The following IFT81 variants were observed in gnomAD, a reference collection of about 807,000 sequenced individuals.
The protein encoded by IFT81 is intraflagellar transport 81.
Under a neutral mutation model 102.6 loss-of-function variants are expected in IFT81, and 72 were observed. That is an observed-to-expected ratio of 0.70 (90% CI 0.58 to 0.85). IFT81 has a LOEUF of 0.85. Ranked by LOEUF, IFT81 falls within the 40% of genes least tolerant of loss-of-function variation. The probability of loss-of-function intolerance (pLI) is 0.00; values close to 1 mark genes in which losing one functional copy is unlikely to be tolerated. For synonymous variants in IFT81, 237 were observed against 242.7 expected, an observed-to-expected ratio of 0.98 and a Z score of 0.22; for missense variants, 723 against 787.3, an observed-to-expected ratio of 0.92 and a Z score of 0.98.
chr12:110,158,379 C>A (rs761608939), intron 10 of IFT81, among the ~76,000 whole-genome samples: 13 of 152,088 alleles, frequency 8.5e-5, no homozygotes, highest in Non-Finnish European at 1.8e-4. Flanking sequence ...CTGTGCCTGG[C>A]CTGTTTTCAA....
intron 11 of IFT81, among the ~76,000 whole-genome samples, chr12:110,164,890 T>C (rs1896350241): frequency 6.6e-6 from 1 of 152,220 alleles, no homozygotes; most frequent in Non-Finnish European, 1.5e-5. Flanking sequence ...CCTCCTAGCA[T>C]TTTTATCTTT....
chr12:110,145,028 ATTTTTTTT>A (rs753990394), intron 9 of IFT81, among the ~76,000 whole-genome samples: 2 of 111,036 alleles, frequency 1.8e-5, no homozygotes, highest in African/African-American at 7.1e-5. Context: ...ACTATGCCTA[ATTTTTTTT>A]TTTTTTTTTT....
chr12:110,196,559 A>G (rs1165247379), intron 14 of IFT81, among the ~76,000 whole-genome samples: 4 of 152,132 alleles, frequency 2.6e-5, no homozygotes, highest in Non-Finnish European at 4.4e-5. Flanking sequence ...TGGTTAAAAA[A>G]CAAAAACCAG....
intron 12 of IFT81, among the ~76,000 whole-genome samples, chr12:110,185,991 T>C (rs1227250705): frequency 6.6e-6 from 1 of 152,160 alleles, no homozygotes; most frequent in Non-Finnish European, 1.5e-5. Context: ...CTTTTCTTCC[T>C]TCATCATTGT....
intron 10 of IFT81, among the ~76,000 whole-genome samples, chr12:110,154,792 AC>A (rs1799585540): frequency 6.6e-6 from 1 of 151,952 alleles, no homozygotes; most frequent in African/African-American, 2.4e-5. Context: ...ATCTATTGAA[AC>A]TTTTTTTTGG....
intron 5 of IFT81, among the ~76,000 whole-genome samples, chr12:110,132,846 C>T (rs549141680): frequency 4.6e-5 from 7 of 151,998 alleles, no homozygotes; most frequent in South Asian, 4.1e-4. Context: ...ACTTACAGTA[C>T]GGAAGAAGAG....
chr12:110,172,467 G>A (rs1474992471), intron 11 of IFT81, among the ~76,000 whole-genome samples: 4 of 152,006 alleles, frequency 2.6e-5, no homozygotes, highest in Non-Finnish European at 5.9e-5. Context: ...CTGCCATCTC[G>A]GCTCACTGCA....
intron 12 of IFT81, 104 bp downstream of exon 12, chr12:110,180,675 G>A: frequency 1.3e-6 from 1 of 768,252 alleles, no homozygotes; most frequent in Non-Finnish European, 1.9e-6. Context: ...AATGATAAAA[G>A]TATTACTTTT....
intron 12 of IFT81, among the ~76,000 whole-genome samples, chr12:110,190,695 C>T (rs1897756174): frequency 1.3e-5 from 2 of 151,952 alleles, no homozygotes; most frequent in South Asian, 2.1e-4. Context: ...ATAAAGTCTA[C>T]GATTAGAAAT....
chr12:110,212,145 G>T (rs1182863183), intron 18 of IFT81, among the ~76,000 whole-genome samples: 1 of 150,956 alleles, frequency 6.6e-6, no homozygotes, highest in African/African-American at 2.4e-5. Flanking sequence ...CTTGAAAGAT[G>T]AATTAGCTCC....
Position 110,218,191 on chromosome 12 carries a change from A to G in IFT81, c.1996A>G (p.Ile666Val), listed in dbSNP as rs892365736. ...QQSQTSIGQV[I>V]QEGGEDRLIL ...AAGCCAAACTTCCATTGGTCAGGTA[A>G]TTCAGGAGGGTGGGGAGGACCGGCT... The change falls in exon 19 of 19, where the codon ATT becomes GTT. Residue 666 changes from isoleucine (I) to valine (V), a missense_variant. By Grantham distance (29) the Ile-to-Val change is conservative. Transcript: ENST00000242591. 3 of 1,575,986 alleles carry G rather than the reference A, an allele frequency of 1.9e-6. No homozygotes were observed. The highest frequency in any genetic ancestry group is 2.3e-5 in the East Asian group (1 of 44,346).
At chr12:110,205,821 C>T (rs562652141) in intron 17 of IFT81, 141 bp downstream of exon 17, 1 of 516,378 alleles carries the variant, frequency 1.9e-6, no homozygotes, top group African/African-American at 2.0e-5. Context: ...TCTTACTAAA[C>T]ATCTAGATAT....
intron 4 of IFT81, among the ~76,000 whole-genome samples, chr12:110,130,443 C>T (rs1894096854): frequency 6.7e-6 from 1 of 150,158 alleles, no homozygotes; most frequent in Non-Finnish European, 1.5e-5. Context: ...AATCTCGGCT[C>T]ACTGCAACCT....
At chr12:110,216,073 A>G (rs1046648941) in intron 18 of IFT81, among the ~76,000 whole-genome samples, 3 of 152,250 alleles carry the variant, frequency 2.0e-5, no homozygotes, top group African/African-American at 7.2e-5. Context: ...TATATAATAC[A>G]TGATAATTTA....
intron 14 of IFT81, among the ~76,000 whole-genome samples, chr12:110,194,794 A>G (rs1477602338): frequency 6.6e-6 from 1 of 152,230 alleles, no homozygotes; most frequent in Non-Finnish European, 1.5e-5. Context: ...CTGATAATTA[A>G]TGAACAGATA....
intron 18 of IFT81, among the ~76,000 whole-genome samples, chr12:110,213,884 A>G (rs975146154): frequency 6.6e-6 from 1 of 152,160 alleles, no homozygotes; most frequent in Non-Finnish European, 1.5e-5. Context: ...AAAAAATCCT[A>G]GTAGACTTTG....
chr12:110,207,352 G>A (rs560025557), intron 17 of IFT81, among the ~76,000 whole-genome samples: 2 of 151,906 alleles, frequency 1.3e-5, no homozygotes, highest in Non-Finnish European at 2.9e-5. Flanking sequence ...GAGCCACCAC[G>A]CCCTACTGAA....
intron 10 of IFT81, among the ~76,000 whole-genome samples, chr12:110,149,991 C>T (rs904402317): frequency 6.6e-6 from 1 of 152,160 alleles, no homozygotes; most frequent in Admixed American, 6.5e-5. Context: ...GGGGGTGGAG[C>T]CCTCACCAGG....
rs1420331557 is a variant in IFT81, at chr12:110,217,260, G to T, written c.1849-784G>T. Among the ~76,000 whole-genome samples the T allele has an allele frequency of 3.3e-5, 5 of 152,122 alleles. No individual in the cohort carries two copies. In the East Asian group the frequency reaches 9.6e-4, roughly 29 times the overall value. On this transcript the variant is annotated intron_variant, in intron 18 of 18. Coordinates refer to ENST00000242591, the MANE Select transcript of IFT81 (RefSeq NM_014055.4). The stretch of plus-strand genomic sequence containing the variant: ...GGGTTTCACCTTGTTGATCAGGCTG[G>T]TCTCGAACTCCTAACCTCAAGTGAT...
Sources: allele counts gnomAD v4.1 joint callset (sites outside exome capture counted in the v4.1 genomes callset), GRCh38; gene constraint gnomAD v4.1.1; transcripts MANE v1.5; gene names NCBI Gene and HGNC (gene_info 2026-07-23, HGNC 2026-07-21).